Variants in MED1 observed in about 807,000 individuals in gnomAD.
MED1 encodes mediator of RNA polymerase II transcription subunit 1.
A neutral mutation model predicts 121.3 loss-of-function variants in MED1; 17 were observed. The ratio of observed to expected loss-of-function variants is 0.14; its 90% CI spans 0.10 to 0.21. MED1 has a LOEUF of 0.21. Ranked by LOEUF, MED1 falls within the 10% of genes least tolerant of loss-of-function variation. MED1 has a pLI of 1.00. For synonymous variants in MED1, 661 were observed against 694.4 expected (o/e 0.95, Z 0.76); for missense variants, 1,558 against 1,919.4 (o/e 0.81, Z 3.52).
At chr17:39,420,222 C>CA (rs1245517719) in intron 13 of MED1, among the ~76,000 whole-genome samples, 1 of 131,526 alleles carries the variant, frequency 7.6e-6, no homozygotes, top group Admixed American at 8.6e-5. Flanking sequence ...TTTTTTGAGA[C>CA]AGAGTCTCCC....
At chr17:39,414,120 A>G (rs12939831) in intron 16 of MED1, among the ~76,000 whole-genome samples, 102,616 of 150,424 alleles carry the variant, frequency 0.68, 35,880 homozygotes, top group South Asian at 0.89. Flanking sequence ...CTAGCTACTC[A>G]GGAGGGTGAG....
chr17:39,417,877 T>C (rs1187882208), intron 14 of MED1, among the ~76,000 whole-genome samples: 1 of 151,218 alleles, frequency 6.6e-6, no homozygotes, highest in Non-Finnish European at 1.5e-5. Flanking sequence ...TCCCAGCACT[T>C]TGGGAGGCCT....
chr17:39,421,015 C>G (rs951591412), intron 13 of MED1, among the ~76,000 whole-genome samples: 46 of 151,686 alleles, frequency 3.0e-4, no homozygotes, highest in Non-Finnish European at 5.4e-4. Context: ...CCAGGATGGT[C>G]TCGATCTCCT....
chr17:39,428,309 C>G (rs981782912), intron 9 of MED1, among the ~76,000 whole-genome samples: 2 of 152,026 alleles, frequency 1.3e-5, no homozygotes, highest in African/African-American at 4.8e-5. Context: ...ATGGTGAAAC[C>G]CCATCTTGAC....
chr17:39,441,345 A>G (rs990330229), intron 3 of MED1, among the ~76,000 whole-genome samples: 3 of 152,202 alleles, frequency 2.0e-5, no homozygotes, highest in African/African-American at 7.2e-5. Context: ...AAGCTTGGGA[A>G]GATGAGTGAA....
chr17:39,433,536 T>C (rs115044841), intron 7 of MED1, among the ~76,000 whole-genome samples: 269 of 150,756 alleles, frequency 1.8e-3, no homozygotes, highest in African/African-American at 6.4e-3. Flanking sequence ...ACTATATATA[T>C]ATATATATAT....
In MED1 at chr17:39,409,282, T is replaced by C. The variant is rs756005099; in HGVS notation, c.2939A>G (p.Asn980Ser). 12 of 1,614,134 alleles carry C rather than the reference T, an allele frequency of 7.4e-6. No individual in the cohort carries two copies. In the East Asian group the frequency reaches 1.8e-4, roughly 24 times the overall value. Residue 980 changes from asparagine to serine, a missense_variant, in exon 17 of 17, where the codon AAT becomes AGT. Physicochemically the swap from Asn to Ser is conservative, Grantham distance 46. Transcript: ENST00000300651. ...TAATCCGGGCCCCGAGAGAGTACTA[T>C]TACTGGTGCCATTGCCTTCCTTTAC... is the stretch of plus-strand genomic sequence containing the variant. ...KRVKEGNGTS[N>S]STLSGPGLDS...
chr17:39,436,369 GAA>G (rs10712248), intron 6 of MED1, among the ~76,000 whole-genome samples: 1,956 of 114,906 alleles, frequency 0.017, 18 homozygotes, highest in African/African-American at 0.025. Context: ...TCAAAAAAAA[GAA>G]AAAAAAAAAA....
chr17:39,436,934 CTTT>C (rs879348801), intron 6 of MED1, among the ~76,000 whole-genome samples: 2 of 142,614 alleles, frequency 1.4e-5, no homozygotes, highest in Non-Finnish European at 3.1e-5. Context: ...TGCTCAGCTA[CTTT>C]TTTTTTTTTT....
rs1427098038 is a variant in MED1 at position 39,423,361 on chromosome 17, G to GGGT, written c.1058_1060dup (p.Asp353_Pro354insHis). The GGGT allele has an allele frequency of 1.9e-6, 3 of 1,612,986 alleles. No individual in the cohort carries two copies. On this transcript the variant is annotated inframe_insertion, in exon 13 of 17. Transcript: ENST00000300651. ...TCTCATGTTGTGATTCAAAGGTATG[G>GGGT]GGTCAGGGTCCTTTGATAGCTCAAA...
chr17:39,449,310 A>G (rs982688314), intron 1 of MED1, among the ~76,000 whole-genome samples: 1 of 151,644 alleles, frequency 6.6e-6, no homozygotes, highest in Non-Finnish European at 1.5e-5. Context: ...CCTCCCAAGT[A>G]GCTGGGACTA....
rs1199659559 is a variant in MED1 at position 39,451,125 on chromosome 17, A to C, written c.-63T>G. Reference sequence around the variant, plus strand: ...ATAAGCCCTTCCCCACCACTAACGGAGGAAACAAGTTGGCTCGGGATCCCG... The same window carrying C: ...ATAAGCCCTTCCCCACCACTAACGGCGGAAACAAGTTGGCTCGGGATCCCG... On this transcript the variant is annotated 5_prime_UTR_variant, in exon 1 of 17. Transcript: ENST00000300651. 103 of 1,590,688 alleles carry C rather than the reference A, an allele frequency of 6.5e-5. No individual in the cohort carries two copies. Among genetic ancestry groups the C allele is most frequent in the Non-Finnish European group, 8.8e-5 (102 of 1,165,618 alleles).
In MED1 at chr17:39,405,732, G is replaced by C. The variant is rs147682422; in HGVS notation, c.*1743C>G. ...GGGACACAAAAGTGGCAGAGTTGTT[G>C]AGAGCTGATGACAATAAAAAGGAGA... On this transcript the variant is annotated 3_prime_UTR_variant, in exon 17 of 17. Coordinates refer to ENST00000300651, the MANE Select transcript of MED1 (RefSeq NM_004774.4). 98 of 989,874 alleles carry C rather than the reference G, an allele frequency of 9.9e-5. No individual in the cohort carries two copies. The East Asian group carries it at 0.01, about 102-fold the overall frequency. The allele number at this position is 989,874 out of a possible 1,614,324, so 61.3% of individuals were successfully genotyped here. A position where few individuals can be genotyped will look rare whatever the true frequency, so the allele number is the denominator to read the frequency against.
rs1457573414 is a variant in MED1 at position 39,410,323 on chromosome 17, G to A, written c.1898C>T (p.Ser633Phe). Residue 633 changes from serine to phenylalanine, a missense_variant, in exon 17 of 17, where the codon TCT becomes TTT. By Grantham distance (155) the Ser-to-Phe change is radical (BLOSUM62 -2). Coordinates refer to ENST00000300651, the MANE Select transcript of MED1 (RefSeq NM_004774.4). ...GTTCTTGGTGTTGCCGGCCATCGAA[G>A]AGACAGGTGGCGGCGTGTGATGAGG... ...TPPHHTPPPV[S>F]SMAGNTKNHP... 1.9e-6 allele frequency: 3 copies of A among 1,614,014 alleles called. No homozygotes were observed. Among genetic ancestry groups the A allele is most frequent in the Non-Finnish European group, 1.7e-6 (2 of 1,180,014 alleles).
At position 39,423,372 on chromosome 17, in the gene MED1, C is replaced by T; in HGVS notation, c.1050G>A (p.Lys350=). ...GATTCAAAGGTATGGGGTCAGGGTC[C>T]TTTGATAGCTCAAACTGAGTGATCA... The part of the protein sequence containing the change: ...YELITQFELS[K]DPDPIPLNHN... The change falls in exon 13 of 17, where the codon AAG becomes AAA. Residue 350 remains lysine (K), a synonymous_variant. Coordinates refer to ENST00000300651, the MANE Select transcript of MED1 (RefSeq NM_004774.4). The T allele has an allele frequency of 1.2e-6, 2 of 1,613,868 alleles. No individual in the cohort carries two copies. The highest frequency in any genetic ancestry group is 1.7e-6 in the Non-Finnish European group (2 of 1,179,840).
chr17:39,424,163 G>A (rs561860229), intron 11 of MED1, among the ~76,000 whole-genome samples: 11 of 152,268 alleles, frequency 7.2e-5, no homozygotes, highest in Non-Finnish European at 1.6e-4. Flanking sequence ...GATTACAGGC[G>A]TGAGCCACCA....
At chr17:39,434,042 T>A (rs1189262576) in intron 7 of MED1, among the ~76,000 whole-genome samples, 1 of 152,174 alleles carries the variant, frequency 6.6e-6, no homozygotes, top group South Asian at 2.1e-4. Context: ...TATTCTGTCT[T>A]CCAGCATTAT....
At chr17:39,451,002 G>A in intron 1 of MED1, 36 bp downstream of exon 1, 1 of 1,594,834 alleles carries the variant, frequency 6.3e-7, no homozygotes, top group Non-Finnish European at 8.6e-7. Context: ...TCCCCCAGTT[G>A]TGTCCCGCCC....
intron 10 of MED1, chr17:39,427,454 A>G: frequency 8.7e-6 from 2 of 229,076 alleles, no homozygotes; most frequent in East Asian, 1.1e-4. Flanking sequence ...TGCTGGGATT[A>G]CAGGCGTGAG....
Sources: allele counts gnomAD v4.1 joint callset (sites outside exome capture counted in the v4.1 genomes callset), GRCh38; gene constraint gnomAD v4.1.1; transcripts MANE v1.5; gene names NCBI Gene and HGNC (gene_info 2026-07-23, HGNC 2026-07-21).